Variants in ZZEF1 observed in about 807,000 individuals in gnomAD.
ZZEF1 encodes zinc finger ZZ-type and EF-hand domain containing 1.
A neutral mutation model predicts 342.8 loss-of-function variants in ZZEF1; 157 were observed. The ratio of observed to expected loss-of-function variants is 0.46; its 90% CI spans 0.40 to 0.52. ZZEF1 has a LOEUF of 0.52. ZZEF1 is among the 20% of genes least tolerant of loss of function. The pLI is 0.00. For missense variants in ZZEF1, 3,480 were observed against 3,725.6 expected (o/e 0.93, Z 1.72); for synonymous variants, 1,505 against 1,429.1 (o/e 1.05, Z -1.20).
At position 4,088,769 on chromosome 17, in the gene ZZEF1, G is replaced by T; in HGVS notation, c.2150C>A (p.Ala717Glu). The change falls in exon 13 of 55, where the codon GCA becomes GAA. Residue 717 changes from alanine to glutamate, a missense_variant. Coordinates refer to ENST00000381638, the MANE Select transcript of ZZEF1 (RefSeq NM_015113.4). ...RAEAEQSVTC[A>E]HCRKDTEESV... ...CTCCTCTGTGTCCTTTCTGCAGTGT[G>T]CACAGGTGACGCTCTGTTCTGCTTC... The T allele has an allele frequency of 6.2e-7, 1 of 1,614,214 alleles. No individual in the cohort carries two copies. Among genetic ancestry groups the T allele is most frequent in the South Asian group, 1.1e-5 (1 of 91,092 alleles).
intron 39 of ZZEF1, among the ~76,000 whole-genome samples, chr17:4,042,003 T>C (rs531435576): frequency 6.6e-6 from 1 of 152,286 alleles, no homozygotes; most frequent in Admixed American, 6.5e-5. Context: ...ACATTGTGGT[T>C]ATATAGGAGA....
chr17:4,076,583 T>A, intron 21 of ZZEF1, 54 bp downstream of exon 21: 1 of 1,573,908 alleles, frequency 6.4e-7, no homozygotes, highest in Non-Finnish European at 8.6e-7. Context: ...ACTAAGTGTG[T>A]CCCATCACTC....
intron 9 of ZZEF1, among the ~76,000 whole-genome samples, chr17:4,097,958 G>C (rs1039008981): frequency 2.1e-5 from 3 of 140,096 alleles, no homozygotes; most frequent in African/African-American, 5.1e-5. Context: ...AAAAATCAAG[G>C]TGGGTGTGGT....
Position 4,016,348 on chromosome 17 carries a change from G to C in ZZEF1, c.8120C>G (p.Pro2707Arg), listed in dbSNP as rs1429719029. The change falls in exon 49 of 55, where the codon CCG becomes CGG. Residue 2707 changes from proline (P) to arginine (R), a missense_variant. Around this residue, in one of 5 missense-constraint regions of ZZEF1, gnomAD observed 1,269 missense variants for 1,342.4 expected, o/e 0.95. Transcript: ENST00000381638. This position sits in a 1 kb window ranked among gnomAD's most constrained non-coding sequence, Gnocchi z 4.4. ...CTCGAAGTTGGTGTTGTTGTTATAC[G>C]GGTGTTTCGACTCCCTCACTTGCAC... Reference protein sequence around the residue: ...MEVQVRESKHPYNNNTNFEDK... With the variant: ...MEVQVRESKHRYNNNTNFEDK... 1 of 1,614,114 alleles carries C rather than the reference G, an allele frequency of 6.2e-7. No individual in the cohort carries two copies. Among genetic ancestry groups the C allele is most frequent in the South Asian group, 1.1e-5 (1 of 91,074 alleles).
At chr17:4,103,819 G>A (rs866795465) in intron 8 of ZZEF1, among the ~76,000 whole-genome samples, 4 of 152,116 alleles carry the variant, frequency 2.6e-5, no homozygotes, top group African/African-American at 7.2e-5. Context: ...ACTCGGGAGA[G>A]TGACACAGGA....
At chr17:4,024,051 C>T (rs2467101) in intron 43 of ZZEF1, among the ~76,000 whole-genome samples, 9,817 of 152,104 alleles carry the variant, frequency 0.065, 1,054 homozygotes, top group African/African-American at 0.22. Flanking sequence ...TCATGGATAT[C>T]CTCTGTTGGG....
chr17:4,095,165 T>C (rs1054374628), intron 11 of ZZEF1, among the ~76,000 whole-genome samples: 30 of 152,198 alleles, frequency 2.0e-4, no homozygotes, highest in African/African-American at 7.2e-4. Flanking sequence ...GCTTCACCTC[T>C]GGGCCCATGA....
At chr17:4,093,347 T>C (rs58357241) in intron 11 of ZZEF1, among the ~76,000 whole-genome samples, 20,192 of 152,142 alleles carry the variant, frequency 0.13, 1,553 homozygotes, top group East Asian at 0.18. Context: ...TTCAAATTCA[T>C]TAAAGGGCTG....
At chr17:4,030,543 T>TA (rs1354142568) in intron 42 of ZZEF1, among the ~76,000 whole-genome samples, 15 of 152,320 alleles carry the variant, frequency 9.8e-5, no homozygotes, top group Non-Finnish European at 1.9e-4. Flanking sequence ...GCCATATACT[T>TA]TTCTGAGACA....
chr17:4,089,079 T>C (rs1298096309), intron 12 of ZZEF1, among the ~76,000 whole-genome samples, 186 bp from the exon 13 acceptor site: 2 of 151,968 alleles, frequency 1.3e-5, no homozygotes, highest in Non-Finnish European at 2.9e-5. Context: ...AAAAAGACAA[T>C]ACAAATGTTG....
chr17:4,081,253 C>G, intron 18 of ZZEF1, 123 bp downstream of exon 18: 1 of 822,974 alleles, frequency 1.2e-6, no homozygotes, highest in Non-Finnish European at 2.0e-6. Flanking sequence ...ACAACAACAA[C>G]AGAAAAAACC....
At chr17:4,082,975 C>T (rs1042928936) in intron 16 of ZZEF1, among the ~76,000 whole-genome samples, 3 of 152,132 alleles carry the variant, frequency 2.0e-5, no homozygotes, top group African/African-American at 7.2e-5. Context: ...GGGGTTTCAC[C>T]ATGTTGGCCA....
intron 6 of ZZEF1, among the ~76,000 whole-genome samples, chr17:4,106,832 A>G (rs1453316425): frequency 1.3e-5 from 2 of 152,234 alleles, no homozygotes; most frequent in Non-Finnish European, 2.9e-5. Flanking sequence ...ATCAAAAGTA[A>G]CTCAAAATTC....
At position 4,076,645 on chromosome 17, in the gene ZZEF1, G is replaced by C; in HGVS notation, c.3226C>G (p.Leu1076Val). ...GTGCTGACTCGAGTTACCTTCCTCA[G>C]TCCTCCTTCGGGGCCACTACAGAGC... ...KKLCSGPEGGLRKLDVETWQQ... is the reference protein window; with the variant it reads ...KKLCSGPEGGVRKLDVETWQQ... Residue 1076 changes from leucine to valine, a missense_variant, in exon 21 of 55, where the codon CTG becomes GTG. By Grantham distance (32) the Leu-to-Val change is conservative (BLOSUM62 1). Coordinates refer to ENST00000381638, the MANE Select transcript of ZZEF1 (RefSeq NM_015113.4). The C allele has an allele frequency of 6.2e-7, 1 of 1,609,728 alleles. No homozygotes were observed. Among genetic ancestry groups the C allele is most frequent in the Non-Finnish European group, 8.5e-7 (1 of 1,177,434 alleles).
chr17:4,052,277 G>A, intron 34 of ZZEF1, 141 bp from the exon 35 acceptor site: 2 of 773,632 alleles, frequency 2.6e-6, no homozygotes, highest in Non-Finnish European at 4.0e-6. Context: ...GTTCTCTGGA[G>A]ACAGGGTGCT....
At chr17:4,093,220 A>T (rs2057976863) in intron 11 of ZZEF1, among the ~76,000 whole-genome samples, 1 of 152,232 alleles carries the variant, frequency 6.6e-6, no homozygotes, top group Non-Finnish European at 1.5e-5. Flanking sequence ...TCCCAAGAGT[A>T]GGACATAGCT....
rs535387891 is a variant in ZZEF1, at chr17:4,081,253, C to A, written c.2829+123G>T. The A allele has an allele frequency of 5.7e-5, 47 of 822,854 alleles. No homozygotes were observed. In the South Asian group the frequency reaches 6.3e-4, roughly 11 times the overall value. 51.0% of individuals were successfully genotyped at this position (822,854 alleles called of 1,614,324 possible). On this transcript the variant is annotated intron_variant, in intron 18 of 54. Coordinates refer to ENST00000381638, the MANE Select transcript of ZZEF1 (RefSeq NM_015113.4). ...CCCTATCTCAAAACAACAACAACAA[C>A]AGAAAAAACCACAACAAAGTACATT...
At chr17:4,022,891 G>A (rs1597772483) in intron 43 of ZZEF1, 63 bp from the exon 44 acceptor site, 1 of 1,584,412 alleles carries the variant, frequency 6.3e-7, no homozygotes, top group East Asian at 2.2e-5. Flanking sequence ...AACCTTAGCT[G>A]TAACTCAGTC....
intron 39 of ZZEF1, among the ~76,000 whole-genome samples, chr17:4,034,805 T>G (rs1290763008): frequency 6.6e-6 from 1 of 152,190 alleles, no homozygotes; most frequent in Non-Finnish European, 1.5e-5. Flanking sequence ...AAGACCAGCC[T>G]GGGCAACATA....
Sources: gnomAD v4.1 joint callset for allele counts (sites outside exome capture counted in the v4.1 genomes callset) on GRCh38, gnomAD v4.1.1 for gene constraint, gnomAD v4.1.1 regional missense constraint, Gnocchi (gnomAD v3.1) non-coding constraint, MANE v1.5 for transcripts, NCBI Gene and HGNC (gene_info 2026-07-23, HGNC 2026-07-21) for gene names.